The following PAX3 variants were observed in gnomAD, a reference collection of about 807,000 sequenced individuals.
The protein encoded by PAX3 is paired box 3, also known as paired box protein Pax-3.
In PAX3, 14 loss-of-function variants were observed where a neutral mutation model predicts 51.6. That is an observed-to-expected ratio of 0.27 (90% confidence interval 0.18 to 0.42). PAX3 has a LOEUF of 0.42. Among genes scored for constraint, PAX3 ranks in the 10% least tolerant of loss-of-function variants. The pLI is 1.00. For missense variants in PAX3, 540 were observed against 642.8 expected (o/e 0.84, Z 1.73); for synonymous variants, 280 against 253.4 (o/e 1.11, Z -1.00).
chr2:222,235,936 T>C (rs1434229454), intron 4 of PAX3, among the ~76,000 whole-genome samples: 1 of 152,216 alleles, frequency 6.6e-6, no homozygotes, highest in Admixed American at 6.5e-5. Flanking sequence ...AACCACCATA[T>C]AGCATAATTT....
At chr2:222,221,182 T>C (rs774178080) in intron 6 of PAX3, 40 bp downstream of exon 6, 3 of 1,600,666 alleles carry the variant, frequency 1.9e-6, no homozygotes, top group Admixed American at 1.7e-5. Flanking sequence ...AGAAATCGCC[T>C]GGAAGTTACT....
rs748669481 is a variant in PAX3 at position 222,294,106 on chromosome 2, C to A, written c.586+61G>T. 4 of 1,610,272 alleles carry A rather than the reference C, an allele frequency of 2.5e-6. No homozygotes were observed. In the South Asian group the frequency reaches 4.4e-5, roughly 18 times the overall value. On this transcript the variant is annotated intron_variant, in intron 4 of 8. Transcript: ENST00000392070. ...TTGGCTGCCGTCAGATCACCAATGT[C>A]AGCTAGCCGATGCCCTCCAAGTCAC...
At chr2:222,244,460 C>A (rs186681953) in intron 4 of PAX3, among the ~76,000 whole-genome samples, 84 of 152,202 alleles carry the variant, frequency 5.5e-4, no homozygotes, top group African/African-American at 1.8e-3. Context: ...AGATAGTTTG[C>A]AAAACATAAC....
chr2:222,276,688 C>T (rs1374668612), intron 4 of PAX3, among the ~76,000 whole-genome samples: 1 of 152,182 alleles, frequency 6.6e-6, no homozygotes. Context: ...CAGAGACCTA[C>T]AAGAAACATC....
intron 7 of PAX3, among the ~76,000 whole-genome samples, chr2:222,215,011 G>T (rs1691897811): frequency 6.6e-6 from 1 of 152,020 alleles, no homozygotes; most frequent in Non-Finnish European, 1.5e-5. Flanking sequence ...TAATAATCCA[G>T]ATTTATACCA....
chr2:222,211,168 A>G (rs1336472148), intron 7 of PAX3, among the ~76,000 whole-genome samples: 1 of 152,178 alleles, frequency 6.6e-6, no homozygotes, highest in African/African-American at 2.4e-5. Context: ...TTGGCCATAC[A>G]TGATATTTTT....
chr2:222,215,293 G>A (rs1475720303), intron 7 of PAX3, among the ~76,000 whole-genome samples: 1 of 152,068 alleles, frequency 6.6e-6, no homozygotes, highest in Non-Finnish European at 1.5e-5. Flanking sequence ...TGTGTTTTAG[G>A]TTTTACCAAA....
At chr2:222,282,549 C>G (rs1321451601) in intron 4 of PAX3, among the ~76,000 whole-genome samples, 2 of 152,152 alleles carry the variant, frequency 1.3e-5, no homozygotes, top group African/African-American at 4.8e-5. Context: ...TATACATAAA[C>G]CACTCTCTTA....
intron 4 of PAX3, among the ~76,000 whole-genome samples, chr2:222,261,922 A>C (rs964517719): frequency 2.0e-5 from 3 of 152,244 alleles, no homozygotes; most frequent in African/African-American, 7.2e-5. Context: ...AACAAGCATG[A>C]CAGGCAACCA....
intron 7 of PAX3, among the ~76,000 whole-genome samples, chr2:222,216,043 C>G (rs1308493316): frequency 6.6e-6 from 1 of 152,170 alleles, no homozygotes; most frequent in East Asian, 1.9e-4. Context: ...CTGACACATG[C>G]AGCCTTTGAT....
intron 4 of PAX3, among the ~76,000 whole-genome samples, chr2:222,233,341 C>G (rs565236638): frequency 6.6e-6 from 1 of 151,944 alleles, no homozygotes; most frequent in Non-Finnish European, 1.5e-5. Context: ...GCAAGAGAAG[C>G]GGGAAGTGGG....
rs1259858774 is a variant in PAX3, at chr2:222,298,723, C to T, written c.-108G>A. The T allele has an allele frequency of 6.4e-6, 7 of 1,097,056 alleles. No individual in the cohort carries two copies. The highest frequency in any genetic ancestry group is 9.5e-6 in the Non-Finnish European group (7 of 740,548). The allele number at this position is 1,097,056 out of a possible 1,614,324, so 68.0% of individuals were successfully genotyped here. On this transcript the variant is annotated 5_prime_UTR_variant, in exon 1 of 9. Transcript: ENST00000392070. ...CTATCCGGAGCGTGGAGAGCCCCTC[C>T]CCAAAACGGCTGGAGAGAGAGGGAG...
chr2:222,242,756 G>A (rs1462606532), intron 4 of PAX3: 1 of 152,098 alleles, frequency 6.6e-6, no homozygotes, highest in African/African-American at 2.4e-5. Flanking sequence ...TGGTGTAGGT[G>A]GAAATTATGT....
intron 5 of PAX3, among the ~76,000 whole-genome samples, 171 bp downstream of exon 5, chr2:222,231,907 A>G (rs1692610310): frequency 6.6e-6 from 1 of 152,198 alleles, no homozygotes; most frequent in Admixed American, 6.5e-5. Flanking sequence ...GTCGTAAATG[A>G]TATAGTTGTA....
intron 7 of PAX3, among the ~76,000 whole-genome samples, chr2:222,209,087 A>G (rs1208377609): frequency 6.6e-6 from 1 of 152,148 alleles, no homozygotes; most frequent in East Asian, 1.9e-4. Context: ...ATGTTGGTCT[A>G]TATATACTAT....
intron 4 of PAX3, among the ~76,000 whole-genome samples, chr2:222,287,909 A>G (rs1394852783): frequency 6.6e-6 from 1 of 152,238 alleles, no homozygotes; most frequent in Non-Finnish European, 1.5e-5. Flanking sequence ...TACTGAAATG[A>G]GCACAAAGAA....
intron 5 of PAX3, among the ~76,000 whole-genome samples, chr2:222,224,719 T>G (rs1458772311): frequency 2.6e-5 from 4 of 152,218 alleles, no homozygotes; most frequent in Non-Finnish European, 4.4e-5. Context: ...CTTTCAATAT[T>G]GTATCACTAA....
chr2:222,232,055 C>T (rs1348268891), intron 5 of PAX3, 23 bp downstream of exon 5: 3 of 1,607,980 alleles, frequency 1.9e-6, no homozygotes, highest in Middle Eastern at 1.9e-4. Flanking sequence ...TGAAGTAGGA[C>T]ACGGAGGTTT....
chr2:222,217,655 T>A lies in PAX3; in HGVS notation c.1173+2485A>T, dbSNP rs550529770. ...GCATAACACTGTCCGTGTTATATGA[T>A]CCAATATATTCATAATCACTCTATG... On this transcript the variant is annotated intron_variant, in intron 7 of 8. Coordinates refer to ENST00000392070, the MANE Select transcript of PAX3 (RefSeq NM_181458.4). Among the ~76,000 whole-genome samples, 3 of 152,302 alleles carry A rather than the reference T, an allele frequency of 2.0e-5. No individual in the cohort carries two copies. In the South Asian group the frequency reaches 6.2e-4, roughly 32 times the overall value.
Sources: allele counts gnomAD v4.1 joint callset (sites outside exome capture counted in the v4.1 genomes callset), GRCh38; gene constraint gnomAD v4.1.1; transcripts MANE v1.5; gene names NCBI Gene and HGNC (gene_info 2026-07-23, HGNC 2026-07-21).